The following BRD7 variants were observed in gnomAD, a reference collection of about 807,000 sequenced individuals.
BRD7 encodes bromodomain-containing protein 7.
In BRD7, 15 loss-of-function variants were observed where a neutral mutation model predicts 82.1. The observed-to-expected ratio is 0.18, with a 90% CI of 0.12 to 0.28. The LOEUF is 0.28. BRD7 is among the 10% of genes least tolerant of loss of function. The pLI is 1.00. For missense variants in BRD7, 638 were observed against 779.9 expected (o/e 0.82, Z 2.17); for synonymous variants, 232 against 266.9 (o/e 0.87, Z 1.27).
At chr16:50,358,304 C>T (rs914993708) in intron 2 of BRD7, among the ~76,000 whole-genome samples, 1 of 65,854 alleles carries the variant, frequency 1.5e-5, no homozygotes. Flanking sequence ...GTGGGTGGAT[C>T]ACTTGAGCTC....
intron 2 of BRD7, 49 bp from the exon 3 acceptor site, chr16:50,354,971 C>T (rs895741546): frequency 6.3e-7 from 1 of 1,580,688 alleles, no homozygotes; most frequent in Non-Finnish European, 8.6e-7. Context: ...GAACCAATAT[C>T]TTTAAATACA....
At chr16:50,343,728 C>T (rs2038166865) in intron 5 of BRD7, among the ~76,000 whole-genome samples, 1 of 152,226 alleles carries the variant, frequency 6.6e-6, no homozygotes, top group Non-Finnish European at 1.5e-5. Flanking sequence ...TGAGATTGAA[C>T]TGCAAGGCAG....
chr16:50,340,474 T>C (rs2038000424), intron 5 of BRD7, among the ~76,000 whole-genome samples: 1 of 152,214 alleles, frequency 6.6e-6, no homozygotes, highest in Non-Finnish European at 1.5e-5. Flanking sequence ...AAAATATTAC[T>C]CCTAGCTTTA....
chr16:50,320,406 A>G lies in BRD7; in HGVS notation c.1613-15T>C, dbSNP rs769781242. 2.5e-6 allele frequency: 4 copies of G among 1,611,232 alleles called. No individual in the cohort carries two copies. The African/African-American group carries it at 5.4e-5, about 22-fold the overall frequency. ...TATTTCAGCTTCTGTGTGGTAAGAA[A>G]ACAGACACACTTCTGTTTGATCTTG... On this transcript the variant is annotated splice_polypyrimidine_tract_variant and intron_variant, in intron 14 of 16. Coordinates refer to ENST00000394688, the MANE Select transcript of BRD7 (RefSeq NM_013263.5).
chr16:50,335,986 C>T (rs1331430775), intron 6 of BRD7, among the ~76,000 whole-genome samples: 2 of 152,172 alleles, frequency 1.3e-5, no homozygotes, highest in African/African-American at 4.8e-5. Flanking sequence ...CCTAATGTCT[C>T]ATCCAGAGAA....
Position 50,320,355 on chromosome 16 carries a change from G to A in BRD7, c.1649C>T (p.Thr550Ile). The change falls in exon 15 of 17, where the codon ACC (threonine) becomes ATC (isoleucine). Residue 550 changes from threonine to isoleucine, a missense_variant. By Grantham distance (89) the Thr-to-Ile change is moderately conservative (BLOSUM62 -1). Transcript: ENST00000394688. ...EIFQKKLDET[T>I]RLLRELQEAQ... is the part of the protein sequence containing the mutation. The stretch of plus-strand genomic sequence containing the variant: ...TTCCTGGAGTTCCCTGAGCAATCTG[G>A]TGGTCTCATCAAGTTTCTTCTGGAA... The A allele has an allele frequency of 6.2e-7, 1 of 1,614,098 alleles. No homozygotes were observed. Among genetic ancestry groups the A allele is most frequent in the African/African-American group, 1.3e-5 (1 of 75,040 alleles).
At chr16:50,331,168 T>C (rs1288948959) in intron 8 of BRD7, among the ~76,000 whole-genome samples, 2 of 152,172 alleles carry the variant, frequency 1.3e-5, no homozygotes, top group African/African-American at 4.8e-5. Context: ...AAAGAAATCA[T>C]ATATGACACA....
intron 2 of BRD7, among the ~76,000 whole-genome samples, chr16:50,363,780 T>C (rs2111107): frequency 0.99 from 150,742 of 152,306 alleles, 74,618 homozygotes; most frequent in Middle Eastern, 1. Context: ...AAATGCCAGA[T>C]ATGGTAGCTC....
At chr16:50,349,945 AG>A (rs1264649272) in intron 5 of BRD7, 77 bp downstream of exon 5, 8 of 1,265,710 alleles carry the variant, frequency 6.3e-6, no homozygotes, top group Non-Finnish European at 8.5e-6. Context: ...GCAAAATAAA[AG>A]GTCAATGAGA....
intron 2 of BRD7, among the ~76,000 whole-genome samples, chr16:50,358,068 A>T (rs1432204276): frequency 6.6e-6 from 1 of 152,224 alleles, no homozygotes; most frequent in Admixed American, 6.5e-5. Flanking sequence ...TTCTGTCACA[A>T]CTACTAAACT....
chr16:50,361,429 A>G (rs1005300659), intron 2 of BRD7, among the ~76,000 whole-genome samples: 1 of 152,192 alleles, frequency 6.6e-6, no homozygotes, highest in Non-Finnish European at 1.5e-5. Context: ...AACTTCTTTC[A>G]GCAACTAAAC....
chr16:50,344,745 C>T (rs145582344), intron 5 of BRD7, among the ~76,000 whole-genome samples: 2,406 of 152,232 alleles, frequency 0.016, 63 homozygotes, highest in African/African-American at 0.054. Context: ...TGAACAAAGC[C>T]TCCAAGAAAT....
At chr16:50,355,601 A>G (rs754255474) in intron 2 of BRD7, among the ~76,000 whole-genome samples, 1 of 152,230 alleles carries the variant, frequency 6.6e-6, no homozygotes, top group Non-Finnish European at 1.5e-5. Context: ...TTATAAGTCA[A>G]TGACAAAAGG....
chr16:50,316,506 G>C lies in BRD7; in HGVS notation c.*2705C>G, dbSNP rs1257560092. The C allele has an allele frequency of 1.3e-5, 2 of 152,358 alleles. No homozygotes were observed. Among genetic ancestry groups the C allele is most frequent in the Admixed American group, 6.5e-5 (1 of 15,284 alleles). 9.4% of individuals were successfully genotyped at this position (152,358 alleles called of 1,614,324 possible). A position where few individuals can be genotyped will look rare whatever the true frequency, so the allele number is the denominator to read the frequency against. ...TTTAGAGACAACTTGGACAACCTGT[G>C]AGTGCATCTCTTCTTTCCTTTAGTC... On this transcript the variant is annotated 3_prime_UTR_variant, in exon 17 of 17. Coordinates refer to ENST00000394688, the MANE Select transcript of BRD7 (RefSeq NM_013263.5).
chr16:50,358,478 A>G (rs1246304064), intron 2 of BRD7, among the ~76,000 whole-genome samples: 1 of 148,436 alleles, frequency 6.7e-6, no homozygotes, highest in Non-Finnish European at 1.5e-5. Flanking sequence ...CCTGGGCAAC[A>G]GAGCCAGATC....
In BRD7 at chr16:50,326,411, A is replaced by G. The variant is rs111805016; in HGVS notation, c.1088-20T>C. ...CTGGCTCTACAACATAAAACAGAGC[A>G]CAGTGAAGGAGGCCTACATGGCCAT... is the stretch of plus-strand genomic sequence containing the variant. On this transcript the variant is annotated intron_variant, in intron 9 of 16. Coordinates refer to ENST00000394688, the MANE Select transcript of BRD7 (RefSeq NM_013263.5). 4.6e-6 allele frequency: 7 copies of G among 1,510,634 alleles called. No individual in the cohort carries two copies. In the African/African-American group the frequency reaches 5.6e-5, roughly 12 times the overall value. 93.6% of individuals were successfully genotyped at this position (1,510,634 alleles called of 1,614,324 possible). A position where few individuals can be genotyped will look rare whatever the true frequency, so the allele number is the denominator to read the frequency against.
At chr16:50,349,947 G>A (rs557579568) in intron 5 of BRD7, 76 bp downstream of exon 5, 76 of 1,281,600 alleles carry the variant, frequency 5.9e-5, no homozygotes, top group Non-Finnish European at 7.7e-5. Flanking sequence ...AAAATAAAAG[G>A]TCAATGAGAA....
chr16:50,368,798 C>T lies in BRD7; in HGVS notation c.-24G>A, dbSNP rs749986963. 5.3e-6 allele frequency: 8 copies of T among 1,515,476 alleles called. No individual in the cohort carries two copies. Among genetic ancestry groups the T allele is most frequent in the Middle Eastern group, 2.4e-4 (1 of 4,098 alleles). 93.9% of individuals were successfully genotyped at this position (1,515,476 alleles called of 1,614,324 possible). Reference sequence around the variant, plus strand: ...ATGTCCGACCGGGCCCCGGTGCCCGCCCCCCGCGCCAGGCCCAGGCCGTGC... The same window carrying T: ...ATGTCCGACCGGGCCCCGGTGCCCGTCCCCCGCGCCAGGCCCAGGCCGTGC... On this transcript the variant is annotated 5_prime_UTR_variant, in exon 1 of 17. Coordinates refer to ENST00000394688, the MANE Select transcript of BRD7 (RefSeq NM_013263.5).
chr16:50,323,956 G>T (rs2037227930), intron 11 of BRD7, among the ~76,000 whole-genome samples: 1 of 152,112 alleles, frequency 6.6e-6, no homozygotes, highest in South Asian at 2.1e-4. Context: ...TGGATCTTCT[G>T]CTCCCCGCCC....
Sources: allele counts gnomAD v4.1 joint callset (sites outside exome capture counted in the v4.1 genomes callset), GRCh38; gene constraint gnomAD v4.1.1; transcripts MANE v1.5; gene names NCBI Gene and HGNC (gene_info 2026-07-23, HGNC 2026-07-21).